The following SHPRH variants were observed in gnomAD, a reference collection of about 807,000 sequenced individuals.
The protein encoded by SHPRH is SNF2 histone linker PHD RING helicase, also known as E3 ubiquitin-protein ligase SHPRH.
A neutral mutation model predicts 202.5 loss-of-function variants in SHPRH; 106 were observed. The observed-to-expected ratio is 0.52, with a 90% CI of 0.45 to 0.62. The LOEUF (loss-of-function observed/expected upper bound fraction) is 0.62, where lower values mean the gene tolerates loss of function less well. Among genes scored for constraint, SHPRH ranks in the 20% least tolerant of loss-of-function variants. The pLI is 0.00. For synonymous variants in SHPRH, 729 were observed against 686.0 expected, an observed-to-expected ratio of 1.06 and a Z score of -0.98; for missense variants, 1,710 against 2,020.0, an observed-to-expected ratio of 0.85 and a Z score of 2.94.
At chr6:145,892,436 C>T (rs941723344) in intron 28 of SHPRH, among the ~76,000 whole-genome samples, 11 of 152,144 alleles carry the variant, frequency 7.2e-5, no homozygotes, top group African/African-American at 2.2e-4. Flanking sequence ...CTGTACTACA[C>T]AGTGACCTCC....
intron 2 of SHPRH, among the ~76,000 whole-genome samples, chr6:145,875,102 A>G (rs1780242013): frequency 6.6e-6 from 1 of 152,206 alleles, no homozygotes; most frequent in Non-Finnish European, 1.5e-5. Flanking sequence ...CATAATGCAA[A>G]TATTAAAAAA....
At chr6:145,872,701 G>A (rs1298401448) in intron 2 of SHPRH, among the ~76,000 whole-genome samples, 2 of 152,008 alleles carry the variant, frequency 1.3e-5, no homozygotes, top group African/African-American at 4.8e-5. Flanking sequence ...TATACTCAAA[G>A]GAATATAAAT....
chr6:145,874,233 T>C lies in SHPRH; in HGVS notation c.222-9742A>G, dbSNP rs964198727. On this transcript the variant is annotated intron_variant, in intron 2 of 2. Coordinates refer to the SHPRH transcript ENST00000417762. ...AAAATAATAATAATAATAATAATAA[T>C]AATAATGTGTGGGCAGATGTCATCT... Among the ~76,000 whole-genome samples the C allele has an allele frequency of 2.7e-5, 4 of 150,936 alleles. No homozygotes were observed. In the South Asian group the frequency reaches 8.3e-4, roughly 31 times the overall value.
downstream of SHPRH, chr6:145,883,523 T>C (rs1044600422): frequency 6.6e-6 from 1 of 152,234 alleles, no homozygotes; most frequent in African/African-American, 2.4e-5. Flanking sequence ...ATTACTTACA[T>C]AGCCTTCCTC....
intron 25 of SHPRH, among the ~76,000 whole-genome samples, chr6:145,902,493 G>C: frequency 6.6e-6 from 1 of 152,062 alleles, no homozygotes; most frequent in East Asian, 1.9e-4. Context: ...AAATTCAGTA[G>C]ACTGAAAAAA....
intron 2 of SHPRH, among the ~76,000 whole-genome samples, chr6:145,868,371 C>G (rs1779898510): frequency 1.3e-5 from 2 of 152,172 alleles, no homozygotes; most frequent in Admixed American, 6.5e-5. Flanking sequence ...AACATCATCT[C>G]TGTTTCTACA....
At chr6:145,908,909 C>T (rs1783221931) in intron 25 of SHPRH, 1 of 151,976 alleles carries the variant, frequency 6.6e-6, no homozygotes, top group African/African-American at 2.4e-5. Context: ...TTTAATCTAT[C>T]TTGAGTTAAT....
At chr6:145,919,764 A>T (rs1419407403) in intron 21 of SHPRH, among the ~76,000 whole-genome samples, 1 of 152,096 alleles carries the variant, frequency 6.6e-6, no homozygotes, top group Non-Finnish European at 1.5e-5. Context: ...TTAGGCTGAC[A>T]GAATCTCTTG....
intron 25 of SHPRH, chr6:145,907,539 T>A (rs958129451): frequency 1.3e-5 from 2 of 152,170 alleles, no homozygotes; most frequent in African/African-American, 2.4e-5. Context: ...CCCTTCAACA[T>A]CTGGTCCCCT....
chr6:145,904,079 T>C (rs1782737291), intron 25 of SHPRH: 2 of 152,110 alleles, frequency 1.3e-5, no homozygotes, highest in Admixed American at 1.3e-4. Flanking sequence ...TAAAATCTCT[T>C]ATTTCCAAGA....
rs1178890992 is a variant in SHPRH at position 145,955,019 on chromosome 6, C to T, written c.304G>A (p.Val102Met). ...TTATCAAAATGATAGGGAGAAATCACAATATTTAACTTTACAGACAAAGGG... is the reference window on the plus strand; with the variant it reads ...TTATCAAAATGATAGGGAGAAATCATAATATTTAACTTTACAGACAAAGGG... ...FSPLSVKLNI[V>M]ISPYHFDNSW... Residue 102 changes from valine to methionine, a missense_variant, in exon 2 of 30, where the codon GTG (valine) becomes ATG (methionine). Physicochemically the swap from Val to Met is conservative, Grantham distance 21. Around this residue, in one of 8 missense-constraint regions of SHPRH, gnomAD observed 459 missense variants for 426.5 expected, o/e 1.08. Coordinates refer to ENST00000275233, the MANE Select transcript of SHPRH (RefSeq NM_001042683.3). The T allele has an allele frequency of 4.3e-6, 7 of 1,613,278 alleles. No homozygotes were observed. The highest frequency in any genetic ancestry group is 5.9e-6 in the Non-Finnish European group (7 of 1,179,918).
intron 1 of SHPRH, among the ~76,000 whole-genome samples, chr6:145,959,698 G>A (rs1045836461): frequency 1.3e-5 from 2 of 152,166 alleles, no homozygotes; most frequent in African/African-American, 4.8e-5. Flanking sequence ...CAAATATAGA[G>A]CATTCACATA....
At chr6:145,858,204 A>G in the SHPRH span, among the ~76,000 whole-genome samples, 1 of 152,004 alleles carries the variant, frequency 6.6e-6, no homozygotes, top group African/African-American at 2.4e-5. Flanking sequence ...CAGTCATTCT[A>G]CTCCTATGAA....
At position 145,963,716 on chromosome 6, in the gene SHPRH, G is replaced by C. The variant is rs1256126362; in HGVS notation, c.-33+15C>G. ...TCCAGCCTCCGGGGGTAGATCTGCG[G>C]CGCACGGTACCCACTCAGTTATCTT... is the stretch of plus-strand genomic sequence containing the variant. On this transcript the variant is annotated intron_variant, in intron 1 of 29. Coordinates refer to ENST00000275233, the MANE Select transcript of SHPRH (RefSeq NM_001042683.3). 1.3e-5 allele frequency: 2 copies of C among 151,858 alleles called. No individual in the cohort carries two copies. The highest frequency in any genetic ancestry group is 2.9e-5 in the Non-Finnish European group (2 of 67,978). 9.4% of individuals were successfully genotyped at this position (151,858 alleles called of 1,614,324 possible).
chr6:145,944,705 T>C (rs945694410), intron 8 of SHPRH, among the ~76,000 whole-genome samples: 1 of 152,134 alleles, frequency 6.6e-6, no homozygotes, highest in Non-Finnish European at 1.5e-5. Context: ...CATTTTGACT[T>C]GTTGTCATTA....
chr6:145,954,399 AG>A lies in SHPRH; in HGVS notation c.633+290del, dbSNP rs1200447706. Among the ~76,000 whole-genome samples the A allele has an allele frequency of 2.6e-5, 4 of 152,266 alleles. No homozygotes were observed. The East Asian group carries it at 7.7e-4, about 29-fold the overall frequency. On this transcript the variant is annotated intron_variant, in intron 2 of 29. Transcript: ENST00000275233. Reference sequence around the variant, plus strand: ...AGAGACAAAATCGAAGCATTTGAAAAGGCAAAATAGCAAACAGATAAATGGT... The same window carrying A: ...AGAGACAAAATCGAAGCATTTGAAAAGCAAAATAGCAAACAGATAAATGGT...
intron 28 of SHPRH, among the ~76,000 whole-genome samples, chr6:145,888,840 A>G (rs995399592): frequency 6.6e-6 from 1 of 152,174 alleles, no homozygotes; most frequent in Non-Finnish European, 1.5e-5. Context: ...AGTCAAGTAG[A>G]TTTGGAATAT....
intron 13 of SHPRH, 29 bp from the exon 14 acceptor site, chr6:145,933,207 TAGAA>T: frequency 6.2e-7 from 1 of 1,613,342 alleles, no homozygotes. Context: ...TGTTCAAAAC[TAGAA>T]AGAAAATCCC....
chr6:145,927,172 G>C lies in SHPRH; in HGVS notation c.3201+17C>G, dbSNP rs752454690. 1.2e-6 allele frequency: 2 copies of C among 1,605,582 alleles called. No individual in the cohort carries two copies. Among genetic ancestry groups the C allele is most frequent in the Non-Finnish European group, 8.5e-7 (1 of 1,173,696 alleles). On this transcript the variant is annotated intron_variant, in intron 15 of 29. Coordinates refer to ENST00000275233, the MANE Select transcript of SHPRH (RefSeq NM_001042683.3). Reference sequence around the variant, plus strand: ...AAACAAACAGAATACCTATGAAACTGTTTAGTCTTTACTTACTTGAAGTGA... The same window carrying C: ...AAACAAACAGAATACCTATGAAACTCTTTAGTCTTTACTTACTTGAAGTGA...
Sources: allele counts gnomAD v4.1 joint callset (sites outside exome capture counted in the v4.1 genomes callset), GRCh38; gene constraint gnomAD v4.1.1; regional missense constraint gnomAD v4.1.1; transcripts MANE v1.5; gene names NCBI Gene and HGNC (gene_info 2026-07-23, HGNC 2026-07-21).